NARS2: variants seen among roughly 807,000 people sequenced by gnomAD.
NARS2 encodes asparaginyl-tRNA synthetase.
In NARS2, 60 loss-of-function variants were observed where a neutral mutation model predicts 62.9. That is an observed-to-expected ratio of 0.95 (90% CI 0.77 to 1.18). The LOEUF is 1.18. Among genes scored for constraint, NARS2 ranks in the 50% most tolerant of loss-of-function variants. The pLI is 0.00. For synonymous variants in NARS2, 196 were observed against 200.0 expected (o/e 0.98, Z 0.17); for missense variants, 619 against 576.4 (o/e 1.07, Z -0.76).
At chr11:78,479,223 T>C (rs1208205128) in intron 7 of NARS2, among the ~76,000 whole-genome samples, 1 of 152,196 alleles carries the variant, frequency 6.6e-6, no homozygotes, top group African/African-American at 2.4e-5. Context: ...AATATATACA[T>C]TTTTGCTTTG....
At chr11:78,571,544 T>C in intron 1 of NARS2, 100 bp from the exon 2 acceptor site, 2 of 748,432 alleles carry the variant, frequency 2.7e-6, no homozygotes, top group Non-Finnish European at 4.5e-6. Context: ...GTACTCACAA[T>C]CCTGCCTCAA....
chr11:78,506,095 A>C (rs1296388158), intron 6 of NARS2, among the ~76,000 whole-genome samples: 3 of 152,234 alleles, frequency 2.0e-5, no homozygotes, highest in Non-Finnish European at 4.4e-5. Context: ...TAAGCACATG[A>C]AAAAAATGTT....
chr11:78,539,166 C>T (rs897992079), intron 5 of NARS2, among the ~76,000 whole-genome samples: 4 of 151,646 alleles, frequency 2.6e-5, no homozygotes, highest in African/African-American at 4.8e-5. Context: ...TTAAAAAATT[C>T]TTCTAGTGTC....
intron 4 of NARS2, among the ~76,000 whole-genome samples, chr11:78,561,203 G>C (rs1215587106): frequency 6.6e-6 from 1 of 152,186 alleles, no homozygotes; most frequent in African/African-American, 2.4e-5. Context: ...TGCTAGCAAG[G>C]CTTATCAAAG....
chr11:78,444,727 C>CAAAG (rs56788561), intron 11 of NARS2, among the ~76,000 whole-genome samples: 5 of 92,414 alleles, frequency 5.4e-5, no homozygotes, highest in African/African-American at 1.1e-4. Flanking sequence ...TCAAACAAAA[C>CAAAG]AAAAAAAAAA....
chr11:78,556,909 T>G (rs1347266322), intron 5 of NARS2, among the ~76,000 whole-genome samples: 1 of 152,228 alleles, frequency 6.6e-6, no homozygotes, highest in Non-Finnish European at 1.5e-5. Flanking sequence ...ATGAAAAGCA[T>G]GCTCCTTCCC....
intron 11 of NARS2, among the ~76,000 whole-genome samples, chr11:78,455,681 T>C (rs1256890999): frequency 6.6e-6 from 1 of 152,022 alleles, no homozygotes; most frequent in Non-Finnish European, 1.5e-5. Context: ...TCCATAGCTC[T>C]TCCTGCCACC....
chr11:78,451,132 G>A (rs895883707), intron 11 of NARS2, among the ~76,000 whole-genome samples: 1 of 152,202 alleles, frequency 6.6e-6, no homozygotes, highest in Non-Finnish European at 1.5e-5. Context: ...CACTCTCTGA[G>A]AAGTTATAAT....
intron 6 of NARS2, among the ~76,000 whole-genome samples, chr11:78,521,831 G>A (rs1861139363): frequency 6.7e-6 from 1 of 149,140 alleles, no homozygotes; most frequent in Non-Finnish European, 1.5e-5. Context: ...ATACATGGTT[G>A]TAGCCTTTTT....
intron 11 of NARS2, among the ~76,000 whole-genome samples, chr11:78,455,696 A>T (rs1270379067): frequency 6.6e-6 from 1 of 152,120 alleles, no homozygotes; most frequent in East Asian, 1.9e-4. Context: ...GCCACCCCAC[A>T]CAAACTCTTC....
rs553715455 is a variant in NARS2 at position 78,541,355 on chromosome 11, A to C, written c.595-12419T>G. On this transcript the variant is annotated intron_variant, in intron 5 of 13. Coordinates refer to ENST00000281038, the MANE Select transcript of NARS2 (RefSeq NM_024678.6). ...TCACTTTTTTTTTTTTTTTGAGATA[A>C]GGTCTTGCTATGTCGCCCAGGCTGG... Among the ~76,000 whole-genome samples, 13 of 150,638 alleles carry C rather than the reference A, an allele frequency of 8.6e-5. No individual in the cohort carries two copies. The East Asian group carries it at 1.9e-3, about 23-fold the overall frequency.
intron 5 of NARS2, among the ~76,000 whole-genome samples, chr11:78,545,824 CA>C (rs1336617545): frequency 3.3e-5 from 5 of 152,114 alleles, no homozygotes; most frequent in African/African-American, 1.2e-4. Flanking sequence ...AGGTGTGAAC[CA>C]CCGCACCTGG....
chr11:78,499,167 C>T (rs926574277), intron 6 of NARS2, among the ~76,000 whole-genome samples: 4 of 152,092 alleles, frequency 2.6e-5, no homozygotes, highest in East Asian at 1.9e-4. Context: ...CCGCCTGCCT[C>T]GGCCTCCCAA....
Position 78,563,454 on chromosome 11 carries a change from G to C in NARS2, c.513+2678C>G, listed in dbSNP as rs947526287. Reference sequence around the variant, plus strand: ...GATGGTCTCGATCTCTTGACCTCGTGATCTGCCTGCCTCGGCCTCCCAAAG... The same window carrying C: ...GATGGTCTCGATCTCTTGACCTCGTCATCTGCCTGCCTCGGCCTCCCAAAG... On this transcript the variant is annotated intron_variant, in intron 4 of 13. Transcript: ENST00000281038. Among the ~76,000 whole-genome samples the C allele has an allele frequency of 2.0e-5, 3 of 151,970 alleles. No homozygotes were observed. The East Asian group carries it at 5.9e-4, about 30-fold the overall frequency.
chr11:78,526,459 T>C (rs989189460), intron 6 of NARS2, among the ~76,000 whole-genome samples: 2 of 152,088 alleles, frequency 1.3e-5, no homozygotes, highest in African/African-American at 4.8e-5. Context: ...TAAATTGAAT[T>C]CAAGAAAAAA....
At chr11:78,485,466 A>C (rs1383194416) in intron 7 of NARS2, among the ~76,000 whole-genome samples, 1 of 152,150 alleles carries the variant, frequency 6.6e-6, no homozygotes, top group Admixed American at 6.5e-5. Flanking sequence ...AAAAATAAAC[A>C]ATGATAGGTG....
chr11:78,468,797 T>G (rs1858743259), intron 10 of NARS2, among the ~76,000 whole-genome samples: 1 of 150,298 alleles, frequency 6.7e-6, no homozygotes, highest in African/African-American at 2.4e-5. Context: ...ATTCACTTTT[T>G]TTTTTTTTTT....
Position 78,465,989 on chromosome 11 carries a change from G to A in NARS2, c.1051C>T (p.His351Tyr). The part of the protein sequence containing the change: ...PEWGADLRTE[H>Y]EKYLVKHCGN... ...CAGTGCTTCACCAGGTACTTTTCAT[G>A]TTCAGTCCGTAGGTCAGCACCCCAC... The change falls in exon 11 of 14, where the codon CAT becomes TAT. Residue 351 changes from histidine to tyrosine, a missense_variant. Physicochemically the swap from His to Tyr is moderately conservative, Grantham distance 83. Transcript: ENST00000281038. 1 of 1,612,018 alleles carries A rather than the reference G, an allele frequency of 6.2e-7. No individual in the cohort carries two copies. Among genetic ancestry groups the A allele is most frequent in the Non-Finnish European group, 8.5e-7 (1 of 1,178,952 alleles).
chr11:78,476,324 T>A (rs1233502094), intron 9 of NARS2, among the ~76,000 whole-genome samples: 1 of 152,184 alleles, frequency 6.6e-6, no homozygotes, highest in Non-Finnish European at 1.5e-5. Context: ...CCCCCAGGGT[T>A]CCCTGTGAGA....
Sources: gnomAD v4.1 joint callset for allele counts (sites outside exome capture counted in the v4.1 genomes callset) on GRCh38, gnomAD v4.1.1 for gene constraint, MANE v1.5 for transcripts, NCBI Gene and HGNC (gene_info 2026-07-23, HGNC 2026-07-21) for gene names.